MARCHF1: variants seen among roughly 807,000 people sequenced by gnomAD.
The protein encoded by MARCHF1 is E3 ubiquitin-protein ligase MARCHF1.
In MARCHF1, 40 loss-of-function variants were observed where a neutral mutation model predicts 54.2. That is an observed-to-expected ratio of 0.74 (90% CI 0.57 to 0.96). The LOEUF (loss-of-function observed/expected upper bound fraction) is 0.96, where lower values mean the gene tolerates loss of function less well. Ranked by LOEUF, MARCHF1 falls within the 40% of genes least tolerant of loss-of-function variation. The probability of loss-of-function intolerance (pLI) is 0.00; values close to 1 mark genes in which losing one functional copy is unlikely to be tolerated. For missense variants in MARCHF1, 586 were observed against 656.5 expected (o/e 0.89, Z 1.17); for synonymous variants, 236 against 236.3 (o/e 1.00, Z 0.01).
At chr4:164,019,211 A>G (rs1014588471) in intron 2 of MARCHF1, among the ~76,000 whole-genome samples, 4 of 152,168 alleles carry the variant, frequency 2.6e-5, no homozygotes, top group Admixed American at 6.5e-5. Flanking sequence ...CTCTTTAGCT[A>G]TAACACCTGT....
chr4:164,189,899 T>A, intron 1 of MARCHF1: 1 of 1,584,482 alleles, frequency 6.3e-7, no homozygotes, highest in Admixed American at 1.7e-5. Flanking sequence ...ATGGTATTCT[T>A]CGAGTGACAG....
At chr4:163,966,363 C>T (rs1047196438) in intron 3 of MARCHF1, among the ~76,000 whole-genome samples, 5 of 151,824 alleles carry the variant, frequency 3.3e-5, no homozygotes, top group Non-Finnish European at 7.4e-5. Context: ...TAAATTTTTA[C>T]CTAATTAATA....
chr4:164,028,223 A>T (rs972227040), intron 2 of MARCHF1, among the ~76,000 whole-genome samples: 2 of 152,214 alleles, frequency 1.3e-5, no homozygotes, highest in Non-Finnish European at 2.9e-5. Flanking sequence ...ATTATTGGGT[A>T]TATACCAAAA....
chr4:163,660,390 C>T (rs1743304014), intron 5 of MARCHF1, among the ~76,000 whole-genome samples: 4 of 151,768 alleles, frequency 2.6e-5, no homozygotes, highest in African/African-American at 4.8e-5. Context: ...ATGTCACACA[C>T]CGGGGCCTGT....
At chr4:164,093,587 A>G (rs563666944) in intron 2 of MARCHF1, among the ~76,000 whole-genome samples, 2 of 152,282 alleles carry the variant, frequency 1.3e-5, no homozygotes, top group South Asian at 2.1e-4. Context: ...GTTTTCAATT[A>G]GGGTTGAATA....
intron 4 of MARCHF1, among the ~76,000 whole-genome samples, chr4:163,784,498 T>C (rs1747560057): frequency 6.6e-6 from 1 of 152,140 alleles, no homozygotes; most frequent in African/African-American, 2.4e-5. Flanking sequence ...AATCCTATGT[T>C]GATTGAACAT....
intron 8 of MARCHF1, chr4:163,585,415 C>T (rs1025683136): frequency 3.1e-5 from 5 of 162,898 alleles, no homozygotes; most frequent in South Asian, 2.0e-4. Flanking sequence ...ACAATGCTAT[C>T]ATAGTTCTCA....
At position 163,947,498 on chromosome 4, in the gene MARCHF1, A is replaced by AG. The variant is rs1021244218; in HGVS notation, c.-39+41002dup. Among the ~76,000 whole-genome samples the AG allele has an allele frequency of 5.7e-4, 87 of 152,344 alleles. 1 individual carries two copies. Among genetic ancestry groups the AG allele is most frequent in the African/African-American group, 1.9e-3 (81 of 41,582 alleles). On this transcript the variant is annotated intron_variant, in intron 3 of 9. Transcript: ENST00000514618. ...TAATCACAGGGTCCACATAAGAGGG[A>AG]GGCAGAAGTGTCAGAGTCAGAGAAG...
chr4:163,828,516 C>T (rs1265426145), intron 4 of MARCHF1, among the ~76,000 whole-genome samples: 1 of 152,060 alleles, frequency 6.6e-6, no homozygotes, highest in Admixed American at 6.6e-5. Flanking sequence ...AAAGTAAAAA[C>T]ATAGTCATGA....
intron 4 of MARCHF1, among the ~76,000 whole-genome samples, chr4:163,729,348 CA>C (rs1745761811): frequency 6.6e-6 from 1 of 152,004 alleles, no homozygotes; most frequent in Non-Finnish European, 1.5e-5. Flanking sequence ...AGAGATTGTA[CA>C]GAATTCTTAT....
At chr4:163,674,309 C>G (rs935737110) in intron 5 of MARCHF1, among the ~76,000 whole-genome samples, 1 of 152,142 alleles carries the variant, frequency 6.6e-6, no homozygotes, top group Non-Finnish European at 1.5e-5. Flanking sequence ...CAAAACTTCA[C>G]TGGTACCCCA....
In MARCHF1 at chr4:164,195,791, G is replaced by C. The variant is rs1025563703; in HGVS notation, c.-322-84129C>G. On this transcript the variant is annotated intron_variant, in intron 1 of 9. Coordinates refer to ENST00000514618, the MANE Select transcript of MARCHF1 (RefSeq NM_001394959.1). The stretch of plus-strand genomic sequence containing the variant: ...TTAGAGTTTACTCTTACTGGGTTTT[G>C]AATTAATCTAAAATTATAAATCATT... 7.2e-5 allele frequency among the ~76,000 whole-genome samples: 11 copies of C among 152,210 alleles called. No individual in the cohort carries two copies. In the South Asian group the frequency reaches 2.3e-3, roughly 32 times the overall value.
At chr4:163,671,110 T>G (rs1743721513) in intron 5 of MARCHF1, among the ~76,000 whole-genome samples, 1 of 152,208 alleles carries the variant, frequency 6.6e-6, no homozygotes, top group Admixed American at 6.5e-5. Flanking sequence ...CTTTAGCAGT[T>G]GGATGCAGAG....
At chr4:164,132,585 C>G (rs773960750) in intron 1 of MARCHF1, among the ~76,000 whole-genome samples, 2 of 152,058 alleles carry the variant, frequency 1.3e-5, no homozygotes, top group African/African-American at 2.4e-5. Context: ...CTATTTTAAG[C>G]GCACATTTTT....
intron 2 of MARCHF1, among the ~76,000 whole-genome samples, chr4:164,062,175 A>C (rs776138323): frequency 1.3e-5 from 2 of 152,188 alleles, no homozygotes; most frequent in Non-Finnish European, 2.9e-5. Flanking sequence ...ATCCATAAGA[A>C]ACAACTTCTC....
chr4:163,707,723 T>C lies in MARCHF1; in HGVS notation c.112-6860A>G, dbSNP rs564789004. Among the ~76,000 whole-genome samples the C allele has an allele frequency of 1.1e-4, 14 of 124,198 alleles. No individual in the cohort carries two copies. In the South Asian group the frequency reaches 3.2e-3, roughly 28 times the overall value. 81.5% of individuals were successfully genotyped at this position (124,198 alleles called of 152,430 possible). A position where few individuals can be genotyped will look rare whatever the true frequency, so the allele number is the denominator to read the frequency against. On this transcript the variant is annotated intron_variant, in intron 4 of 9. Transcript: ENST00000514618. ...CCCTTGGGAATCTCTCCCAGAGAAA[T>C]ACAAGCACTAGTATATAAAAATATG... is the stretch of plus-strand genomic sequence containing the variant.
At chr4:163,954,169 A>G (rs1025197436) in intron 3 of MARCHF1, among the ~76,000 whole-genome samples, 2 of 152,204 alleles carry the variant, frequency 1.3e-5, no homozygotes, top group African/African-American at 4.8e-5. Flanking sequence ...TTCACTTATT[A>G]AAATTTCCCT....
At chr4:164,296,467 G>A (rs1177709401) in intron 1 of MARCHF1, among the ~76,000 whole-genome samples, 1 of 152,162 alleles carries the variant, frequency 6.6e-6, no homozygotes, top group Non-Finnish European at 1.5e-5. Context: ...CCACCTCCCA[G>A]TTTCAAGCAA....
intron 3 of MARCHF1, among the ~76,000 whole-genome samples, chr4:163,942,943 AAAG>A (rs1751943318): frequency 6.6e-6 from 1 of 152,156 alleles, no homozygotes; most frequent in African/African-American, 2.4e-5. Context: ...CAAAAAAAAA[AAAG>A]AACAAAATGG....
Sources: gnomAD v4.1 joint callset for allele counts (sites outside exome capture counted in the v4.1 genomes callset) on GRCh38, gnomAD v4.1.1 for gene constraint, MANE v1.5 for transcripts, NCBI Gene and HGNC (gene_info 2026-07-23, HGNC 2026-07-21) for gene names.